STRN3: variants seen among roughly 807,000 people sequenced by gnomAD.
The protein encoded by STRN3 is striatin-3.
In STRN3, 29 loss-of-function variants were observed where a neutral mutation model predicts 95.6. The observed-to-expected ratio is 0.30, with a 90% CI of 0.23 to 0.41. STRN3 has a LOEUF of 0.41. STRN3 is among the 10% of genes least tolerant of loss of function. STRN3 has a pLI of 1.00. For missense variants in STRN3, 890 were observed against 972.1 expected (o/e 0.92, Z 1.12); for synonymous variants, 331 against 357.6 (o/e 0.93, Z 0.84).
rs1896434812 is a variant in STRN3 at position 30,905,402 on chromosome 14, C to T, written c.2029+16G>A. On this transcript the variant is annotated intron_variant, in intron 15 of 17. Coordinates refer to ENST00000357479, the MANE Select transcript of STRN3 (RefSeq NM_001083893.2). Reference sequence around the variant, plus strand: ...AACCCTTTTTAAGGTTTCAAAGAAACTCCATGAAAACTTACCAGAATCTAC... The same window carrying T: ...AACCCTTTTTAAGGTTTCAAAGAAATTCCATGAAAACTTACCAGAATCTAC... 1 of 1,579,044 alleles carries T rather than the reference C, an allele frequency of 6.3e-7. No homozygotes were observed. Among genetic ancestry groups the T allele is most frequent in the Non-Finnish European group, 8.6e-7 (1 of 1,168,070 alleles).
intron 1 of STRN3, among the ~76,000 whole-genome samples, chr14:30,989,693 C>T (rs1300842662): frequency 5.3e-5 from 8 of 152,042 alleles, no homozygotes; most frequent in Non-Finnish European, 7.4e-5. Context: ...CTCCTGACCT[C>T]GTGATCCATC....
intron 1 of STRN3, among the ~76,000 whole-genome samples, chr14:30,969,505 A>G (rs570275098): frequency 2.0e-3 from 301 of 152,308 alleles, no homozygotes; most frequent in African/African-American, 6.5e-3. Flanking sequence ...ATATGTCTAC[A>G]AGGTTTTATT....
rs148192504 is a variant in STRN3, at chr14:30,928,895, T to C, written c.1099+306A>G. Among the ~76,000 whole-genome samples the C allele has an allele frequency of 3.4e-3, 518 of 152,308 alleles. 14 individuals are homozygous for C. In the East Asian group the frequency reaches 0.053, roughly 16 times the overall value. On this transcript the variant is annotated intron_variant, in intron 8 of 17. Transcript: ENST00000357479. The stretch of plus-strand genomic sequence containing the variant: ...GAGAAATTTATACTTTTCTCCCTTT[T>C]GAAAAATCTTTATTTTTTATTCCAA...
chr14:30,914,654 T>C (rs1342501835), intron 9 of STRN3, among the ~76,000 whole-genome samples: 1 of 151,552 alleles, frequency 6.6e-6, no homozygotes. Context: ...GCCCAGCCTG[T>C]CTTCCAGCTT....
chr14:30,927,069 T>C (rs1028922620), intron 8 of STRN3, among the ~76,000 whole-genome samples: 1 of 151,720 alleles, frequency 6.6e-6, no homozygotes, highest in African/African-American at 2.4e-5. Flanking sequence ...TCTGAAAAGC[T>C]GAGGTGGAAG....
At chr14:30,935,052 C>T in intron 7 of STRN3, 111 bp downstream of exon 7, 1 of 1,389,418 alleles carries the variant, frequency 7.2e-7, no homozygotes, top group Non-Finnish European at 9.6e-7. Context: ...CCCTTGCTCT[C>T]CGTTTAACTG....
intron 1 of STRN3, 200 bp downstream of exon 1, chr14:31,025,704 T>G: frequency 1.3e-6 from 1 of 774,258 alleles, no homozygotes; most frequent in Non-Finnish European, 2.0e-6. Flanking sequence ...CCAGTGAAGG[T>G]TGGGGAGCAA....
intron 1 of STRN3, among the ~76,000 whole-genome samples, chr14:30,960,728 G>T (rs574132131): frequency 6.6e-6 from 1 of 151,954 alleles, no homozygotes; most frequent in African/African-American, 2.4e-5. Context: ...AATTAGCCGG[G>T]CGTGGTGGCG....
At chr14:30,981,288 T>C (rs995310668) in intron 1 of STRN3, among the ~76,000 whole-genome samples, 3 of 152,128 alleles carry the variant, frequency 2.0e-5, no homozygotes, top group Admixed American at 6.6e-5. Flanking sequence ...CACTCCAGCC[T>C]GGGCAACAGA....
chr14:30,907,906 T>C (rs1896507966), intron 13 of STRN3, among the ~76,000 whole-genome samples: 1 of 152,212 alleles, frequency 6.6e-6, no homozygotes, highest in South Asian at 2.1e-4. Flanking sequence ...ATGGTTCTTA[T>C]CATCTCCACA....
chr14:30,894,771 C>A lies in STRN3; in HGVS notation c.*640G>T. On this transcript the variant is annotated 3_prime_UTR_variant, in exon 18 of 18. Transcript: ENST00000357479. ...AGGGTTGTATAATGCAGAAAAACTT[C>A]AATACAATCTTGAGCACTGTTGTGA... 1 of 219,402 alleles carries A rather than the reference C, an allele frequency of 4.6e-6. No homozygotes were observed. 13.6% of individuals were successfully genotyped at this position (219,402 alleles called of 1,614,324 possible). A position where few individuals can be genotyped will look rare whatever the true frequency, so the allele number is the denominator to read the frequency against.
At chr14:30,991,469 T>A (rs1881951152) in intron 1 of STRN3, among the ~76,000 whole-genome samples, 1 of 152,142 alleles carries the variant, frequency 6.6e-6, no homozygotes, top group Non-Finnish European at 1.5e-5. Context: ...AATATTATAA[T>A]AATGGAAGTT....
At chr14:31,017,455 C>T (rs530176562) in intron 1 of STRN3, among the ~76,000 whole-genome samples, 4 of 150,842 alleles carry the variant, frequency 2.7e-5, no homozygotes, top group South Asian at 2.1e-4. Flanking sequence ...GCCGAGATCG[C>T]GCCACTGCAC....
chr14:31,002,166 C>CAAAAAAAAA lies in STRN3; in HGVS notation c.282+23729_282+23737dup, dbSNP rs757001835. On this transcript the variant is annotated intron_variant, in intron 1 of 17. Transcript: ENST00000357479. ...GGGCAACAAGAGTGAAATTCCATCT[C>CAAAAAAAAA]AAAAAAAAAAAAAAAAAAAAAACAA... 1.0e-4 allele frequency among the ~76,000 whole-genome samples: 2 copies of CAAAAAAAAA among 19,288 alleles called. 1 individual carries two copies. The highest frequency in any genetic ancestry group is 1.7e-4 in the Non-Finnish European group (2 of 12,116). The allele number at this position is 19,288 out of a possible 152,430, so 12.7% of individuals were successfully genotyped here.
At chr14:30,935,844 G>A (rs1413582535) in intron 6 of STRN3, among the ~76,000 whole-genome samples, 1 of 152,148 alleles carries the variant, frequency 6.6e-6, no homozygotes, top group African/African-American at 2.4e-5. Flanking sequence ...TTGTAGACCA[G>A]AGACTTTTGT....
intron 10 of STRN3, among the ~76,000 whole-genome samples, chr14:30,912,641 A>G (rs1179834342): frequency 1.3e-5 from 2 of 152,190 alleles, no homozygotes; most frequent in Non-Finnish European, 2.9e-5. Context: ...AGTCTGAACT[A>G]AAGACCCTTT....
At chr14:31,024,786 AAC>A (rs1883710036) in intron 1 of STRN3, among the ~76,000 whole-genome samples, 1 of 152,204 alleles carries the variant, frequency 6.6e-6, no homozygotes, top group African/African-American at 2.4e-5. Flanking sequence ...CTAAATACAC[AAC>A]AGTCTGAAGA....
chr14:30,989,793 C>G (rs889045032), intron 1 of STRN3, among the ~76,000 whole-genome samples: 2 of 151,744 alleles, frequency 1.3e-5, no homozygotes. Flanking sequence ...GTAGGAGATT[C>G]CAATGCATAA....
chr14:31,004,966 G>T (rs919209320), intron 1 of STRN3, among the ~76,000 whole-genome samples: 1 of 152,036 alleles, frequency 6.6e-6, no homozygotes, highest in African/African-American at 2.4e-5. Context: ...GATGCTGAGG[G>T]CTTCAGTATT....
Sources: gnomAD v4.1 joint callset for allele counts (sites outside exome capture counted in the v4.1 genomes callset) on GRCh38, gnomAD v4.1.1 for gene constraint, MANE v1.5 for transcripts, NCBI Gene and HGNC (gene_info 2026-07-23, HGNC 2026-07-21) for gene names.